Variants in GPD2 observed in about 807,000 individuals in gnomAD.
GPD2 encodes the protein glycerol-3-phosphate dehydrogenase, mitochondrial.
In GPD2, 54 loss-of-function variants were observed where a neutral mutation model predicts 82.4. The ratio of observed to expected loss-of-function variants is 0.66; its 90% CI spans 0.53 to 0.82. GPD2 has a LOEUF of 0.82. GPD2 is among the 40% of genes least tolerant of loss of function. The pLI is 0.00. For missense variants in GPD2, 748 were observed against 896.2 expected (o/e 0.83, Z 2.11); for synonymous variants, 288 against 306.1 (o/e 0.94, Z 0.62).
chr2:156,566,522 G>T (rs147284390), intron 9 of GPD2, among the ~76,000 whole-genome samples: 3 of 152,062 alleles, frequency 2.0e-5, no homozygotes, highest in Admixed American at 1.3e-4. Flanking sequence ...TGTCTTCAAG[G>T]TTCATCCATG....
chr2:156,418,968 G>C, the GPD2 span, among the ~76,000 whole-genome samples: 1 of 151,954 alleles, frequency 6.6e-6, no homozygotes, highest in East Asian at 1.9e-4. Flanking sequence ...GTGTGAAGTA[G>C]GGGCAGGTCA....
At chr2:156,522,362 A>G (rs895474994) in intron 6 of GPD2, among the ~76,000 whole-genome samples, 1 of 152,234 alleles carries the variant, frequency 6.6e-6, no homozygotes, top group Non-Finnish European at 1.5e-5. Flanking sequence ...GCTTAAAGAC[A>G]GTGCTAAAAA....
At chr2:156,571,346 T>G in intron 13 of GPD2, 54 bp downstream of exon 13, 2 of 1,110,484 alleles carry the variant, frequency 1.8e-6, no homozygotes, top group Non-Finnish European at 2.6e-6. Flanking sequence ...GCGGAATGGC[T>G]TAATTTGTTA....
the GPD2 span, among the ~76,000 whole-genome samples, chr2:156,421,567 GA>G: frequency 6.9e-4 from 104 of 149,668 alleles, 1 homozygote; most frequent in African/African-American, 2.2e-3. Flanking sequence ...AGAGTTGAAT[GA>G]AAAAAAAAAT....
chr2:156,541,994 G>A (rs188003421), intron 6 of GPD2, among the ~76,000 whole-genome samples: 181 of 151,606 alleles, frequency 1.2e-3, no homozygotes, highest in African/African-American at 4.3e-3. Context: ...TTTCATTTTT[G>A]TTCAGCTCTA....
At chr2:156,408,029 A>C in the GPD2 span, among the ~76,000 whole-genome samples, 2 of 133,604 alleles carry the variant, frequency 1.5e-5, no homozygotes, top group Non-Finnish European at 3.0e-5. Context: ...ATCACGGCTC[A>C]CTGTTGCCTT....
At chr2:156,548,413 A>G (rs1028258663) in intron 6 of GPD2, among the ~76,000 whole-genome samples, 2 of 152,160 alleles carry the variant, frequency 1.3e-5, no homozygotes, top group Admixed American at 6.5e-5. Context: ...TTGAGGTTTA[A>G]CATAAGTTCT....
chr2:156,533,754 C>T (rs946684752), intron 6 of GPD2, among the ~76,000 whole-genome samples: 9 of 152,192 alleles, frequency 5.9e-5, no homozygotes, highest in Non-Finnish European at 1.0e-4. Flanking sequence ...TGGGAGAGTT[C>T]TCTGACCCCC....
intron 6 of GPD2, among the ~76,000 whole-genome samples, chr2:156,542,492 T>G (rs1363857593): frequency 2.0e-5 from 3 of 152,202 alleles, no homozygotes; most frequent in Non-Finnish European, 4.4e-5. Flanking sequence ...TATACTAGAA[T>G]ACATTTTCTG....
intron 8 of GPD2, among the ~76,000 whole-genome samples, chr2:156,556,240 G>A (rs1686957810): frequency 6.6e-6 from 1 of 152,056 alleles, no homozygotes; most frequent in Non-Finnish European, 1.5e-5. Context: ...AAACCAAATA[G>A]AATTACGTTT....
intron 9 of GPD2, among the ~76,000 whole-genome samples, chr2:156,562,770 G>A (rs942444841): frequency 3.3e-5 from 5 of 152,000 alleles, no homozygotes; most frequent in Admixed American, 1.3e-4. Flanking sequence ...TCAATTAGCC[G>A]TGAAAATTGT....
intron 6 of GPD2, among the ~76,000 whole-genome samples, chr2:156,529,552 T>C (rs1685761105): frequency 6.6e-6 from 1 of 152,036 alleles, no homozygotes. Context: ...GGTTTTCTTC[T>C]AGGGTTTTTA....
At chr2:156,474,978 GC>G (rs1683455867) in intron 1 of GPD2, among the ~76,000 whole-genome samples, 1 of 151,442 alleles carries the variant, frequency 6.6e-6, no homozygotes, top group Non-Finnish European at 1.5e-5. Context: ...AAAAAAAATA[GC>G]CATGCATGGC....
intron 5 of GPD2, among the ~76,000 whole-genome samples, chr2:156,512,642 T>C (rs990776362): frequency 6.6e-6 from 1 of 152,212 alleles, no homozygotes; most frequent in African/African-American, 2.4e-5. Context: ...ATGTGCAGAC[T>C]GTAAATGGTT....
intron 3 of GPD2, chr2:156,501,843 G>A (rs1474160495): frequency 1.8e-5 from 3 of 169,246 alleles, no homozygotes; most frequent in Non-Finnish European, 2.9e-5. Context: ...ACGCCTGTGA[G>A]ATTTACTAGA....
chr2:156,567,682 T>C (rs920264782), intron 9 of GPD2, among the ~76,000 whole-genome samples: 2 of 152,114 alleles, frequency 1.3e-5, no homozygotes, highest in African/African-American at 4.8e-5. Context: ...CATAGTCAGC[T>C]CCCATAGCTA....
In GPD2 at chr2:156,516,504, T is replaced by C. The variant is rs148212663; in HGVS notation, c.661+3008T>C. Among the ~76,000 whole-genome samples, 8 of 152,344 alleles carry C rather than the reference T, an allele frequency of 5.3e-5. No homozygotes were observed. The East Asian group carries it at 1.5e-3, about 29-fold the overall frequency. On this transcript the variant is annotated intron_variant, in intron 6 of 16. Transcript: ENST00000438166. Reference sequence around the variant, plus strand: ...CCCAGGCTGGAATGCAGTAGCATGATCATAGCTTCCCACAGCCTCTAATCT... The same window carrying C: ...CCCAGGCTGGAATGCAGTAGCATGACCATAGCTTCCCACAGCCTCTAATCT...
the GPD2 span, among the ~76,000 whole-genome samples, chr2:156,403,393 T>C: frequency 6.6e-6 from 1 of 152,136 alleles, no homozygotes; most frequent in Admixed American, 6.5e-5. Flanking sequence ...AGATCTCTCT[T>C]ACCCTTTCTC....
chr2:156,579,001 G>C lies in GPD2; in HGVS notation c.1880G>C (p.Arg627Thr), dbSNP rs1687926827. Residue 627 changes from arginine to threonine, a missense_variant and splice_region_variant, in exon 14 of 17, where the codon AGG (arginine) becomes ACG (threonine). Physicochemically the swap from Arg to Thr is moderately conservative, Grantham distance 71 (BLOSUM62 -1). This residue lies in a region of GPD2 where 692 missense variants were observed against 809.7 expected (regional missense o/e 0.85). Transcript: ENST00000438166. ...AGCCTACTGCCTTCAGACATTGACA[G>C]GTACTTATAATAAGTGTCTATCTAT... ...EISLLPSDIDRYKKRFHKFDA... is the reference protein window; with the variant it reads ...EISLLPSDIDTYKKRFHKFDA... 4 of 1,581,282 alleles carry C rather than the reference G, an allele frequency of 2.5e-6. No individual in the cohort carries two copies. The highest frequency in any genetic ancestry group is 2.2e-5 in the East Asian group (1 of 44,614).
Sources: allele counts gnomAD v4.1 joint callset (sites outside exome capture counted in the v4.1 genomes callset), GRCh38; gene constraint gnomAD v4.1.1; regional missense constraint gnomAD v4.1.1; transcripts MANE v1.5; gene names NCBI Gene and HGNC (gene_info 2026-07-23, HGNC 2026-07-21).